The following SGTA variants were observed in gnomAD, a reference collection of about 807,000 sequenced individuals.
The protein encoded by SGTA is small glutamine rich tetratricopeptide repeat co-chaperone alpha.
Under a neutral mutation model 44.3 loss-of-function variants are expected in SGTA, and 22 were observed. That is an observed-to-expected ratio of 0.50 (90% confidence interval 0.36 to 0.71). The LOEUF is 0.71. Ranked by LOEUF, SGTA falls within the 30% of genes least tolerant of loss-of-function variation. SGTA has a pLI of 0.00. For synonymous variants in SGTA, 174 were observed against 177.6 expected (o/e 0.98, Z 0.16); for missense variants, 341 against 435.9 (o/e 0.78, Z 1.94).
chr19:2,774,873 C>T (rs986636373), intron 1 of SGTA, among the ~76,000 whole-genome samples: 2 of 152,018 alleles, frequency 1.3e-5, no homozygotes, highest in African/African-American at 4.8e-5. Flanking sequence ...TGTGTGTGTG[C>T]GTGCATGTCT....
intron 8 of SGTA, among the ~76,000 whole-genome samples, chr19:2,760,767 C>T (rs978348347): frequency 3.3e-5 from 5 of 152,134 alleles, no homozygotes; most frequent in African/African-American, 1.2e-4. Flanking sequence ...TGGCACGACC[C>T]GGGCAGGGCT....
intron 7 of SGTA, 92 bp downstream of exon 7, chr19:2,762,414 T>C (rs774386139): frequency 3.7e-5 from 49 of 1,339,692 alleles, no homozygotes; most frequent in Admixed American, 7.3e-5. Context: ...ACACCCAGGT[T>C]AAGCCTAGAG....
chr19:2,770,931 G>A (rs1915287619), intron 1 of SGTA: 4 of 153,000 alleles, frequency 2.6e-5, no homozygotes, highest in African/African-American at 9.6e-5. Flanking sequence ...TTTTAAGCCA[G>A]CCGGGTTGTG....
rs537527948 is a variant in SGTA, at chr19:2,780,662, A to C, written c.-24+2571T>G. Among the ~76,000 whole-genome samples, 143 of 152,272 alleles carry C rather than the reference A, an allele frequency of 9.4e-4. 1 individual carries two copies. In the South Asian group the frequency reaches 0.029, roughly 30 times the overall value. On this transcript the variant is annotated intron_variant, in intron 1 of 11. Transcript: ENST00000221566. ...TCTTGACAGACCCATCTTCCCTTTG[A>C]ACGCCAGCATCTGGCAGCGTCTAAA...
Position 2,761,631 on chromosome 19 carries a change from A to T in SGTA, c.637-109T>A. 2.2e-6 allele frequency: 2 copies of T among 908,324 alleles called. No individual in the cohort carries two copies. The highest frequency in any genetic ancestry group is 3.5e-6 in the Non-Finnish European group (2 of 577,640). The allele number at this position is 908,324 out of a possible 1,614,324, so 56.3% of individuals were successfully genotyped here. On this transcript the variant is annotated intron_variant, in intron 7 of 11. Coordinates refer to ENST00000221566, the MANE Select transcript of SGTA (RefSeq NM_003021.4). This position sits in a 1 kb window ranked among gnomAD's most constrained non-coding sequence, Gnocchi z 5.7. ...CCCCACGGGGCTCAGACATTCTATC[A>T]ACCCTGCGGCCAGAGGGTGCTTTGA...
At chr19:2,777,030 A>G (rs191939552) in intron 1 of SGTA, among the ~76,000 whole-genome samples, 27 of 152,060 alleles carry the variant, frequency 1.8e-4, no homozygotes, top group African/African-American at 5.8e-4. Context: ...TGGGAAGCCG[A>G]GGCAGGCGGA....
intron 1 of SGTA, among the ~76,000 whole-genome samples, chr19:2,781,064 C>G (rs904006949): frequency 6.6e-6 from 1 of 152,194 alleles, no homozygotes; most frequent in Non-Finnish European, 1.5e-5. Flanking sequence ...GCCTGGGCGA[C>G]AGAGCAAGAC....
In SGTA at chr19:2,755,637, A is replaced by G; in HGVS notation, c.*303T>C. The G allele has an allele frequency of 5.1e-6, 5 of 985,372 alleles. No individual in the cohort carries two copies. Among genetic ancestry groups the G allele is most frequent in the Non-Finnish European group, 6.0e-6 (5 of 829,888 alleles). 61.0% of individuals were successfully genotyped at this position (985,372 alleles called of 1,614,324 possible). ...ACTTCTCTGAGAGCGGCCCGGGAGCACCCCAGGATTCTAGAAAACACTCAA... is the reference window on the plus strand; with the variant it reads ...ACTTCTCTGAGAGCGGCCCGGGAGCGCCCCAGGATTCTAGAAAACACTCAA... On this transcript the variant is annotated 3_prime_UTR_variant, in exon 12 of 12. Transcript: ENST00000221566. This position sits in a 1 kb window ranked among gnomAD's most constrained non-coding sequence, Gnocchi z 5.2.
rs544122708 is a variant in SGTA at position 2,756,703 on chromosome 19, G to A, written c.*6+634C>T. On this transcript the variant is annotated intron_variant, in intron 11 of 11. Coordinates refer to ENST00000221566, the MANE Select transcript of SGTA (RefSeq NM_003021.4). The stretch of plus-strand genomic sequence containing the variant: ...GAACTCAGGGGAGCCTCCCACCCCT[G>A]GGAAGCCGGTGTCTGCTGGAGACGG... Among the ~76,000 whole-genome samples, 785 of 151,602 alleles carry A rather than the reference G, an allele frequency of 5.2e-3. 8 individuals are homozygous for A. The highest frequency in any genetic ancestry group is 0.018 in the African/African-American group (754 of 41,228).
At position 2,767,495 on chromosome 19, in the gene SGTA, G is replaced by C. The variant is rs1333037620; in HGVS notation, c.207+85C>G. 1.8e-6 allele frequency: 2 copies of C among 1,126,214 alleles called. No individual in the cohort carries two copies. The highest frequency in any genetic ancestry group is 3.1e-5 in the African/African-American group (2 of 65,296). 69.8% of individuals were successfully genotyped at this position (1,126,214 alleles called of 1,614,324 possible). On this transcript the variant is annotated intron_variant, in intron 3 of 11. Transcript: ENST00000221566. The surrounding 1 kb of genome is among the most constrained non-coding windows in gnomAD (Gnocchi z 7.3). ...CAGGCAGAGTGCTGGGGGACGATGA[G>C]AGCGGGGCTCCTGGGGTCCCCAGGG...
chr19:2,773,872 G>A (rs71339140), intron 1 of SGTA, among the ~76,000 whole-genome samples: 5 of 57,224 alleles, frequency 8.7e-5, no homozygotes, highest in African/African-American at 1.4e-4. Context: ...GAGGGCAGAG[G>A]TGGGTGACAC....
At chr19:2,773,962 C>T (rs1290561005) in intron 1 of SGTA, among the ~76,000 whole-genome samples, 6 of 132,110 alleles carry the variant, frequency 4.5e-5, no homozygotes, top group African/African-American at 1.3e-4. Context: ...AGATGGGTGA[C>T]GCGGCCACAG....
chr19:2,777,096 C>CA, intron 1 of SGTA, among the ~76,000 whole-genome samples: 1 of 151,054 alleles, frequency 6.6e-6, no homozygotes, highest in South Asian at 2.1e-4. Flanking sequence ...ACCCAGTGTA[C>CA]AAAAAATAGC....
At position 2,757,325 on chromosome 19, in the gene SGTA, C is replaced by G. The variant is rs373718793; in HGVS notation, c.*6+12G>C. The G allele has an allele frequency of 1.8e-5, 28 of 1,599,574 alleles. No individual in the cohort carries two copies. In the African/African-American group the frequency reaches 3.3e-4, roughly 19 times the overall value. ...GCTGGCCACCCCCCAGCCCCCGGCC[C>G]CATGCACTCACGCAGCGTCACTCCT... On this transcript the variant is annotated intron_variant, in intron 11 of 11. Coordinates refer to ENST00000221566, the MANE Select transcript of SGTA (RefSeq NM_003021.4).
chr19:2,764,966 C>A (rs1209397394), intron 5 of SGTA, among the ~76,000 whole-genome samples: 1 of 152,160 alleles, frequency 6.6e-6, no homozygotes, highest in Non-Finnish European at 1.5e-5. Flanking sequence ...CCCCCATGGC[C>A]TCCCAGAGTG....
rs58836148 is a variant in SGTA, at chr19:2,760,517, C to CAAAA, written c.699+939_699+942dup. On this transcript the variant is annotated intron_variant, in intron 8 of 11. Coordinates refer to ENST00000221566, the MANE Select transcript of SGTA (RefSeq NM_003021.4). ...TGGGCGACAGAGCGAGACTCCATCTCAAAAAAAAAAAAAAAAAAAAAAACC... is the reference window on the plus strand; with the variant it reads ...TGGGCGACAGAGCGAGACTCCATCTCAAAAAAAAAAAAAAAAAAAAAAAAAAACC... Among the ~76,000 whole-genome samples, 31 of 51,600 alleles carry CAAAA rather than the reference C, an allele frequency of 6.0e-4. 1 individual carries two copies. The highest frequency in any genetic ancestry group is 2.1e-3 in the African/African-American group (30 of 14,524). 33.9% of individuals were successfully genotyped at this position (51,600 alleles called of 152,430 possible).
intron 1 of SGTA, among the ~76,000 whole-genome samples, chr19:2,780,481 CA>C (rs1915547118): frequency 6.6e-6 from 1 of 152,170 alleles, no homozygotes; most frequent in African/African-American, 2.4e-5. Context: ...GGAGGCCTCT[CA>C]CCAGCTGGGG....
intron 1 of SGTA, among the ~76,000 whole-genome samples, chr19:2,776,985 G>A (rs1447143113): frequency 2.7e-5 from 4 of 150,906 alleles, no homozygotes; most frequent in Admixed American, 6.6e-5. Flanking sequence ...AAGACTGGTC[G>A]GGCACAGTGG....
At position 2,765,377 on chromosome 19, in the gene SGTA, A is replaced by T; in HGVS notation, c.293-92T>A. The T allele has an allele frequency of 1.1e-6, 1 of 933,248 alleles. No individual in the cohort carries two copies. The highest frequency in any genetic ancestry group is 1.7e-6 in the Non-Finnish European group (1 of 593,224). 57.8% of individuals were successfully genotyped at this position (933,248 alleles called of 1,614,324 possible). On this transcript the variant is annotated intron_variant, in intron 4 of 11. Transcript: ENST00000221566. This position sits in a 1 kb window ranked among gnomAD's most constrained non-coding sequence, Gnocchi z 5.5. ...GAAAACACCGGCCTGGTGTCCACAC[A>T]GACCCGAGGGGGCGTCACACTTGGC...
Sources: gnomAD v4.1 joint callset for allele counts (sites outside exome capture counted in the v4.1 genomes callset) on GRCh38, gnomAD v4.1.1 for gene constraint, Gnocchi (gnomAD v3.1) non-coding constraint, MANE v1.5 for transcripts, NCBI Gene and HGNC (gene_info 2026-07-23, HGNC 2026-07-21) for gene names.